PRELID2: variants seen among roughly 807,000 people sequenced by gnomAD.
The protein encoded by PRELID2 is PRELI domain-containing protein 2.
Under a neutral mutation model 28.4 loss-of-function variants are expected in PRELID2, and 25 were observed. The ratio of observed to expected loss-of-function variants is 0.88; its 90% CI spans 0.64 to 1.23. The LOEUF is 1.23. Among genes scored for constraint, PRELID2 ranks in the 50% most tolerant of loss-of-function variants. The pLI, the probability that PRELID2 is intolerant of heterozygous loss-of-function variation, is 0.00. For synonymous variants in PRELID2, 76 were observed against 71.6 expected (o/e 1.06, Z -0.31); for missense variants, 201 against 214.4 (o/e 0.94, Z 0.39).
chr5:145,528,726 C>CAGAG lies in PRELID2; in HGVS notation n.71-55415_71-55412dup, dbSNP rs1035893212. 5.6e-4 allele frequency among the ~76,000 whole-genome samples: 30 copies of CAGAG among 53,660 alleles called. No homozygotes were observed. The South Asian group carries it at 0.017, about 30-fold the overall frequency. 35.2% of individuals were successfully genotyped at this position (53,660 alleles called of 152,430 possible). A position where few individuals can be genotyped will look rare whatever the true frequency, so the allele number is the denominator to read the frequency against. On this transcript the variant is annotated intron_variant and non_coding_transcript_variant, in intron 1 of 2. Transcript: ENST00000510259. ...ACACACACACACACACACACACACA[C>CAGAG]AGAGAGAGAGAGAGAGAGAGAGAGA...
At chr5:145,451,683 G>T in the PRELID2 span, among the ~76,000 whole-genome samples, 1 of 152,040 alleles carries the variant, frequency 6.6e-6, no homozygotes, top group African/African-American at 2.4e-5. Context: ...AAATCTGCAG[G>T]GTTTGATACA....
At chr5:145,449,976 A>G in the PRELID2 span, among the ~76,000 whole-genome samples, 1 of 152,146 alleles carries the variant, frequency 6.6e-6, no homozygotes, top group African/African-American at 2.4e-5. Flanking sequence ...GATAGAGCAG[A>G]TTGCTGTTTC....
rs713328 is a variant in PRELID2 at position 145,664,114 on chromosome 5, G to A, written n.70+100817C>T. Among the ~76,000 whole-genome samples the A allele has an allele frequency of 9.3e-4, 141 of 152,222 alleles. 3 individuals carry two copies. The East Asian group carries it at 0.024, about 26-fold the overall frequency. On this transcript the variant is annotated intron_variant and non_coding_transcript_variant, in intron 1 of 2. Coordinates refer to the PRELID2 transcript ENST00000510259. ...TAAAATGAAGGAAATATTGAAGAAT[G>A]TAAATAAGTCATATAGAGGAAGTGC...
chr5:145,830,917 T>C (rs541132315), intron 1 of PRELID2, among the ~76,000 whole-genome samples: 2 of 152,292 alleles, frequency 1.3e-5, no homozygotes, highest in African/African-American at 2.4e-5. Flanking sequence ...CCAAAAGCCA[T>C]AGATCAGTAG....
At chr5:145,298,417 A>G in the PRELID2 span, among the ~76,000 whole-genome samples, 5 of 152,184 alleles carry the variant, frequency 3.3e-5, no homozygotes, top group Admixed American at 3.3e-4. Context: ...GGCTAGCCAT[A>G]TGTAGAAAGC....
At chr5:145,301,243 T>C in the PRELID2 span, among the ~76,000 whole-genome samples, 2 of 152,158 alleles carry the variant, frequency 1.3e-5, no homozygotes, top group African/African-American at 2.4e-5. Flanking sequence ...TGAAACCTAA[T>C]GATGTTGAGC....
At chr5:145,494,977 C>T (rs1047743582) in intron 1 of PRELID2, among the ~76,000 whole-genome samples, 2 of 152,102 alleles carry the variant, frequency 1.3e-5, no homozygotes, top group Admixed American at 1.3e-4. Context: ...ATGTCTTCAG[C>T]AGTAGAAAAA....
At chr5:145,503,046 A>G (rs1752373334) in intron 1 of PRELID2, among the ~76,000 whole-genome samples, 1 of 152,140 alleles carries the variant, frequency 6.6e-6, no homozygotes, top group Non-Finnish European at 1.5e-5. Context: ...TAGCTTTTAG[A>G]AGCAATGGAG....
chr5:145,469,811 A>G (rs376271157), downstream of PRELID2, among the ~76,000 whole-genome samples: 12 of 152,246 alleles, frequency 7.9e-5, no homozygotes, highest in East Asian at 1.9e-4. Flanking sequence ...ATTAGAACTG[A>G]CAGCTTAATT....
chr5:145,790,474 G>C (rs1211957932), intron 5 of PRELID2, among the ~76,000 whole-genome samples: 2 of 151,998 alleles, frequency 1.3e-5, no homozygotes, highest in African/African-American at 4.8e-5. Context: ...TCTGAGGCTG[G>C]GGGAGGTGCG....
the PRELID2 span, among the ~76,000 whole-genome samples, chr5:145,274,219 G>T: frequency 6.6e-6 from 1 of 152,082 alleles, no homozygotes; most frequent in Admixed American, 6.6e-5. Flanking sequence ...GACTATTAAA[G>T]GCTATAGTTA....
chr5:145,661,736 G>T (rs376577854), intron 1 of PRELID2, among the ~76,000 whole-genome samples: 1 of 149,130 alleles, frequency 6.7e-6, no homozygotes, highest in African/African-American at 2.5e-5. Context: ...TACATTAGCC[G>T]CCTGAGAATA....
chr5:145,505,208 T>G (rs991828011), intron 1 of PRELID2, among the ~76,000 whole-genome samples: 1 of 152,116 alleles, frequency 6.6e-6, no homozygotes. Flanking sequence ...ATACTATTCA[T>G]CAAATAGTCA....
intron 1 of PRELID2, among the ~76,000 whole-genome samples, chr5:145,743,297 G>C (rs555079981): frequency 2.0e-5 from 3 of 151,828 alleles, no homozygotes; most frequent in East Asian, 3.9e-4. Context: ...TGTAATCCCA[G>C]CTACTCGGGA....
At chr5:145,381,158 T>C in the PRELID2 span, among the ~76,000 whole-genome samples, 329 of 152,280 alleles carry the variant, frequency 2.2e-3, no homozygotes, top group African/African-American at 7.3e-3. Context: ...GTTAAATAAA[T>C]TCAACTCTTA....
At chr5:145,415,809 C>T in the PRELID2 span, among the ~76,000 whole-genome samples, 3 of 151,924 alleles carry the variant, frequency 2.0e-5, no homozygotes, top group Non-Finnish European at 4.4e-5. Flanking sequence ...AATGAGATGG[C>T]TGGGTCAAAT....
chr5:145,281,720 T>A, the PRELID2 span, among the ~76,000 whole-genome samples: 5 of 152,336 alleles, frequency 3.3e-5, no homozygotes, highest in East Asian at 3.9e-4. Context: ...GAAAATCTAG[T>A]TACTTAACAA....
Position 145,759,832 on chromosome 5 carries a change from GA to G in PRELID2, c.*703del, listed in dbSNP as rs1757386497. 1 of 152,016 alleles carries G rather than the reference GA, an allele frequency of 6.6e-6. No individual in the cohort carries two copies. The allele number at this position is 152,016 out of a possible 1,614,324, so 9.4% of individuals were successfully genotyped here. ...AATGATTTGCTTGCTCACCATCACA[GA>G]ACGAATTAGCAGAAAAGAAACTGCC... On this transcript the variant is annotated 3_prime_UTR_variant, in exon 7 of 7. Transcript: ENST00000683046.
chr5:145,460,434 T>C, the PRELID2 span, among the ~76,000 whole-genome samples: 5 of 152,188 alleles, frequency 3.3e-5, no homozygotes, highest in Admixed American at 6.5e-5. Context: ...CAATAATTCA[T>C]TTGGGTTGAA....
Sources: allele counts gnomAD v4.1 joint callset (sites outside exome capture counted in the v4.1 genomes callset), GRCh38; gene constraint gnomAD v4.1.1; transcripts MANE v1.5; gene names NCBI Gene and HGNC (gene_info 2026-07-23, HGNC 2026-07-21).